ATXN2: variants seen among roughly 807,000 people sequenced by gnomAD.
ATXN2 encodes the protein ataxin-2.
In ATXN2, 37 loss-of-function variants were observed where a neutral mutation model predicts 138.6. The ratio of observed to expected loss-of-function variants is 0.27; its 90% CI spans 0.21 to 0.35. The LOEUF (loss-of-function observed/expected upper bound fraction) is 0.35. Among genes scored for constraint, ATXN2 ranks in the 10% least tolerant of loss-of-function variants. ATXN2 has a pLI of 1.00. For synonymous variants in ATXN2, 549 were observed against 543.7 expected (o/e 1.01, Z -0.13); for missense variants, 1,216 against 1,480.3 (o/e 0.82, Z 2.93).
At position 111,588,991 on chromosome 12, in the gene ATXN2, CAAAAAAAAAAAAAA is replaced by C. The variant is rs58116265; in HGVS notation, c.251+9779_251+9792del. Reference sequence around the variant, plus strand: ...GCCTGGGCGACAGAGCGAGATTTCTCAAAAAAAAAAAAAAAAAAAAAAAAAAAAAAAAACTAAAC... The same window carrying C: ...GCCTGGGCGACAGAGCGAGATTTCTCAAAAAAAAAAAAAAAAAAACTAAAC... On this transcript the variant is annotated intron_variant, in intron 1 of 24. Transcript: ENST00000673436. 3.7e-3 allele frequency among the ~76,000 whole-genome samples: 144 copies of C among 38,712 alleles called. 1 individual carries two copies. Among genetic ancestry groups the C allele is most frequent in the Middle Eastern group, 0.083 (1 of 12 alleles). The allele number at this position is 38,712 out of a possible 152,430, so 25.4% of individuals were successfully genotyped here.
intron 5 of ATXN2, among the ~76,000 whole-genome samples, chr12:111,541,803 T>A (rs1056183313): frequency 1.4e-5 from 2 of 147,728 alleles, no homozygotes; most frequent in African/African-American, 2.4e-5. Context: ...TATAAAAATT[T>A]TTTTTTTTTT....
intron 8 of ATXN2, among the ~76,000 whole-genome samples, chr12:111,519,514 G>C (rs1381445121): frequency 6.6e-6 from 1 of 152,148 alleles, no homozygotes; most frequent in Non-Finnish European, 1.5e-5. Context: ...GACTCTACAG[G>C]TTATGCTAGC....
At chr12:111,544,088 GA>G (rs910073309) in intron 5 of ATXN2, among the ~76,000 whole-genome samples, 2 of 151,544 alleles carry the variant, frequency 1.3e-5, no homozygotes, top group South Asian at 2.1e-4. Flanking sequence ...TTAAAAAAAA[GA>G]AAAAAAATTA....
chr12:111,560,677 T>C (rs1007553568), intron 1 of ATXN2, among the ~76,000 whole-genome samples: 5 of 149,658 alleles, frequency 3.3e-5, no homozygotes, highest in African/African-American at 1.2e-4. Context: ...CAAATAACAG[T>C]AACAACCACC....
At chr12:111,478,958 G>T in intron 18 of ATXN2, 1 of 225,710 alleles carries the variant, frequency 4.4e-6, no homozygotes, top group South Asian at 1.8e-4. Context: ...GCCATGAGCT[G>T]AAATCACGCC....
intron 14 of ATXN2, among the ~76,000 whole-genome samples, chr12:111,491,386 G>A (rs1878021903): frequency 6.6e-6 from 1 of 152,138 alleles, no homozygotes; most frequent in Admixed American, 6.6e-5. Flanking sequence ...GTACTGTGCT[G>A]GGCTCATAGT....
At chr12:111,547,422 G>A (rs1881853565) in intron 5 of ATXN2, among the ~76,000 whole-genome samples, 3 of 148,698 alleles carry the variant, frequency 2.0e-5, no homozygotes, top group South Asian at 2.2e-4. Flanking sequence ...GCGAGACTCC[G>A]CCTCAAAATA....
intron 1 of ATXN2, among the ~76,000 whole-genome samples, chr12:111,572,397 A>G (rs1473467024): frequency 6.9e-6 from 1 of 145,250 alleles, no homozygotes; most frequent in Admixed American, 6.9e-5. Context: ...GCAAAACTCC[A>G]TCTCAAAAAA....
intron 18 of ATXN2, among the ~76,000 whole-genome samples, chr12:111,483,514 G>A (rs1255598720): frequency 8.2e-6 from 1 of 122,106 alleles, no homozygotes; most frequent in Non-Finnish European, 1.6e-5. Flanking sequence ...GCACCACCAT[G>A]CCCAGCTGAT....
At position 111,510,506 on chromosome 12, in the gene ATXN2, T is replaced by A; in HGVS notation, c.1635A>T (p.Pro545=). ...TACCAGCTTGGGGAGAAGCAAGAAC[T>A]GGCCCACTGGGGGTATTTCCAATAC... ...QNSIGNTPSG[P]VLASPQAGII... The change falls in exon 12 of 25, where the codon CCA becomes CCT. Residue 545 remains proline, a synonymous_variant. Transcript: ENST00000673436. 3 of 1,614,132 alleles carry A rather than the reference T, an allele frequency of 1.9e-6. No homozygotes were observed. The highest frequency in any genetic ancestry group is 2.5e-6 in the Non-Finnish European group (3 of 1,179,990).
chr12:111,519,829 G>T, intron 8 of ATXN2, 50 bp downstream of exon 8: 1 of 1,613,132 alleles, frequency 6.2e-7, no homozygotes, highest in South Asian at 1.1e-5. Flanking sequence ...GTCTCACACA[G>T]ACCTTGAGTT....
chr12:111,535,899 C>T (rs932594564), intron 5 of ATXN2, among the ~76,000 whole-genome samples: 1 of 148,912 alleles, frequency 6.7e-6, no homozygotes, highest in Non-Finnish European at 1.5e-5. Context: ...ACTTGGGAGG[C>T]TGAGGCAGGA....
intron 22 of ATXN2, among the ~76,000 whole-genome samples, chr12:111,456,888 C>T (rs1228931481): frequency 6.6e-6 from 1 of 152,092 alleles, no homozygotes; most frequent in Non-Finnish European, 1.5e-5. Context: ...GCTGGGACTA[C>T]AGGCGCCCAC....
intron 18 of ATXN2, among the ~76,000 whole-genome samples, chr12:111,482,295 T>C (rs1877298390): frequency 1.3e-5 from 2 of 150,408 alleles, no homozygotes; most frequent in African/African-American, 2.5e-5. Context: ...CCCAGGTTCA[T>C]GCCATTCTCC....
intron 14 of ATXN2, among the ~76,000 whole-genome samples, chr12:111,492,852 T>C (rs1878131828): frequency 6.6e-6 from 1 of 152,084 alleles, no homozygotes; most frequent in Non-Finnish European, 1.5e-5. Flanking sequence ...CAGTGACCAA[T>C]TCCCAAGTGA....
At position 111,470,460 on chromosome 12, in the gene ATXN2, T is replaced by C. The variant is rs867110242; in HGVS notation, c.2709+98A>G. 8 of 1,408,620 alleles carry C rather than the reference T, an allele frequency of 5.7e-6. No homozygotes were observed. In the Middle Eastern group the frequency reaches 9.7e-4, roughly 172 times the overall value. 87.3% of individuals were successfully genotyped at this position (1,408,620 alleles called of 1,614,324 possible). The stretch of plus-strand genomic sequence containing the variant: ...AAGTCCTTAGCTATCTACCCTACCA[T>C]CACACAAAAGCAAAAATTATAAAGG... On this transcript the variant is annotated intron_variant, in intron 19 of 24. Coordinates refer to ENST00000673436, the MANE Select transcript of ATXN2 (RefSeq NM_001372574.1).
At chr12:111,581,797 A>G in intron 1 of ATXN2, 1 of 515,292 alleles carries the variant, frequency 1.9e-6, no homozygotes, top group Admixed American at 2.8e-5. Flanking sequence ...GGCATTATCT[A>G]GGCCAGGAGC....
chr12:111,453,812 G>C lies in ATXN2; in HGVS notation c.3304C>G (p.Pro1102Ala). ...HVQSGMVPSH[P>A]TAHAPMMLMT... The stretch of plus-strand genomic sequence containing the variant: ...AGCATCATTGGCGCATGGGCAGTTG[G>C]ATGAGAAGGAACCATTCCTGACTGT... Residue 1102 changes from proline to alanine, a missense_variant, in exon 24 of 25, where the codon CCA becomes GCA. By Grantham distance (27) the Pro-to-Ala change is conservative (BLOSUM62 -1). Transcript: ENST00000673436. This position sits in a 1 kb window ranked among gnomAD's most constrained non-coding sequence, Gnocchi z 5.4. The C allele has an allele frequency of 6.2e-7, 1 of 1,613,898 alleles. No homozygotes were observed. Among genetic ancestry groups the C allele is most frequent in the South Asian group, 1.1e-5 (1 of 91,026 alleles).
intron 14 of ATXN2, among the ~76,000 whole-genome samples, chr12:111,503,133 C>A (rs1878887419): frequency 6.6e-6 from 1 of 152,222 alleles, no homozygotes; most frequent in African/African-American, 2.4e-5. Flanking sequence ...GAAGGAACAA[C>A]AAACACACAA....
Sources: allele counts gnomAD v4.1 joint callset (sites outside exome capture counted in the v4.1 genomes callset), GRCh38; gene constraint gnomAD v4.1.1; non-coding constraint Gnocchi (gnomAD v3.1); transcripts MANE v1.5; gene names NCBI Gene and HGNC (gene_info 2026-07-23, HGNC 2026-07-21).